ADGRL3: variants seen among roughly 807,000 people sequenced by gnomAD.
The protein encoded by ADGRL3 is adhesion G protein-coupled receptor L3, also known as calcium-independent alpha-latrotoxin receptor 3.
In ADGRL3, 62 loss-of-function variants were observed where a neutral mutation model predicts 153.5. The ratio of observed to expected loss-of-function variants is 0.40; its 90% CI spans 0.33 to 0.50. ADGRL3 has a LOEUF of 0.50. Ranked by LOEUF, ADGRL3 falls within the 20% of genes least tolerant of loss-of-function variation. ADGRL3 has a pLI of 0.47. For missense variants in ADGRL3, 1,641 were observed against 1,859.4 expected (o/e 0.88, Z 2.16); for synonymous variants, 710 against 672.5 (o/e 1.06, Z -0.86).
At chr4:61,841,983 T>G (rs986693784) in intron 9 of ADGRL3, among the ~76,000 whole-genome samples, 1 of 152,192 alleles carries the variant, frequency 6.6e-6, no homozygotes, top group Non-Finnish European at 1.5e-5. Context: ...TATTTTGCAA[T>G]CATTTGTTTA....
chr4:61,671,405 A>C (rs560476998), intron 5 of ADGRL3, among the ~76,000 whole-genome samples: 1 of 152,306 alleles, frequency 6.6e-6, no homozygotes, highest in South Asian at 2.1e-4. Context: ...TGAATTAAAC[A>C]ATATTGCTTT....
chr4:61,654,291 ATTTT>A (rs1561008059), intron 5 of ADGRL3, among the ~76,000 whole-genome samples: 1 of 151,952 alleles, frequency 6.6e-6, no homozygotes, highest in Non-Finnish European at 1.5e-5. Flanking sequence ...AAATTTTTGA[ATTTT>A]TTCTTAACAT....
chr4:61,685,596 A>G (rs561726764), intron 6 of ADGRL3, among the ~76,000 whole-genome samples: 1 of 152,230 alleles, frequency 6.6e-6, no homozygotes, highest in South Asian at 2.1e-4. Context: ...GACAGCTCCA[A>G]GGATCTTGAG....
At chr4:61,703,661 A>G (rs1425530824) in intron 6 of ADGRL3, among the ~76,000 whole-genome samples, 2 of 152,066 alleles carry the variant, frequency 1.3e-5, no homozygotes. Flanking sequence ...TGTTATTTCT[A>G]TTGTTGGAGA....
At chr4:61,344,650 T>C (rs1044514174) in intron 1 of ADGRL3, among the ~76,000 whole-genome samples, 14 of 152,186 alleles carry the variant, frequency 9.2e-5, no homozygotes, top group African/African-American at 3.4e-4. Flanking sequence ...ATTGTGCCTG[T>C]CCTGGTCATT....
intron 8 of ADGRL3, among the ~76,000 whole-genome samples, chr4:61,750,599 G>A (rs1292595998): frequency 6.6e-6 from 1 of 151,934 alleles, no homozygotes; most frequent in Non-Finnish European, 1.5e-5. Flanking sequence ...AGACCATCCC[G>A]GCTAAAACGG....
intron 1 of ADGRL3, among the ~76,000 whole-genome samples, chr4:61,295,800 G>T (rs945193363): frequency 7.3e-6 from 1 of 136,766 alleles, no homozygotes; most frequent in Non-Finnish European, 1.6e-5. Context: ...TCACTACACA[G>T]ATTTAAAAAA....
At chr4:61,967,430 C>T (rs547242408) in intron 17 of ADGRL3, among the ~76,000 whole-genome samples, 1 of 151,670 alleles carries the variant, frequency 6.6e-6, no homozygotes, top group South Asian at 2.1e-4. Context: ...CACAATCCTG[C>T]CCCCATTAAG....
At chr4:61,786,278 T>G (rs2152410085) in intron 8 of ADGRL3, among the ~76,000 whole-genome samples, 1 of 152,286 alleles carries the variant, frequency 6.6e-6, no homozygotes, top group Admixed American at 6.5e-5. Context: ...TTTGTAGCAT[T>G]TAGTCAATGG....
intron 5 of ADGRL3, among the ~76,000 whole-genome samples, chr4:61,651,161 A>G (rs2094233151): frequency 6.6e-6 from 1 of 152,210 alleles, no homozygotes; most frequent in African/African-American, 2.4e-5. Flanking sequence ...TATATGAGAA[A>G]AGCATAGAAA....
intron 4 of ADGRL3, among the ~76,000 whole-genome samples, chr4:61,547,464 C>A (rs775211672): frequency 2.6e-5 from 4 of 151,934 alleles, no homozygotes; most frequent in African/African-American, 4.8e-5. Flanking sequence ...TTGCTCCCTT[C>A]TTTGTGTCTG....
chr4:61,787,397 G>A (rs1441489070), intron 8 of ADGRL3, among the ~76,000 whole-genome samples: 2 of 151,660 alleles, frequency 1.3e-5, no homozygotes, highest in African/African-American at 4.8e-5. Flanking sequence ...ATATATGACA[G>A]TGATTTGGGA....
intron 4 of ADGRL3, among the ~76,000 whole-genome samples, chr4:61,565,704 ATTTTTGTATT>A (rs978190221): frequency 1.3e-5 from 2 of 151,560 alleles, no homozygotes; most frequent in African/African-American, 4.9e-5. Context: ...CACCCAGCTA[ATTTTTGTATT>A]TTTAGTAGAG....
chr4:61,768,330 G>C (rs970094295), intron 8 of ADGRL3, among the ~76,000 whole-genome samples: 1 of 151,996 alleles, frequency 6.6e-6, no homozygotes, highest in African/African-American at 2.4e-5. Context: ...GCCTAGCTTG[G>C]CCTGTCGAGG....
chr4:61,265,560 T>C (rs1381247848), intron 1 of ADGRL3, among the ~76,000 whole-genome samples: 1 of 151,840 alleles, frequency 6.6e-6, no homozygotes, highest in Non-Finnish European at 1.5e-5. Context: ...TTCTGTGAGC[T>C]AAAAGTGCTA....
intron 5 of ADGRL3, among the ~76,000 whole-genome samples, chr4:61,647,474 C>A (rs567049952): frequency 6.6e-6 from 1 of 152,118 alleles, no homozygotes; most frequent in South Asian, 2.1e-4. Context: ...AATATAAAAT[C>A]GTGACTTTAT....
chr4:61,410,687 A>G (rs536853107), intron 2 of ADGRL3, among the ~76,000 whole-genome samples: 3 of 152,282 alleles, frequency 2.0e-5, no homozygotes, highest in African/African-American at 4.8e-5. Context: ...GCCTGGACAT[A>G]CTCAGTATAT....
intron 1 of ADGRL3, among the ~76,000 whole-genome samples, chr4:61,288,135 G>A (rs1309430874): frequency 6.6e-6 from 1 of 151,880 alleles, no homozygotes; most frequent in Non-Finnish European, 1.5e-5. Flanking sequence ...TTTTCACTGA[G>A]AAAACTGTTT....
At chr4:62,018,539 A>G (rs1435744773) in intron 21 of ADGRL3, among the ~76,000 whole-genome samples, 1 of 152,160 alleles carries the variant, frequency 6.6e-6, no homozygotes, top group Admixed American at 6.5e-5. Flanking sequence ...GAATGACCAG[A>G]TATTTTGTAG....
Sources: allele counts gnomAD v4.1 joint callset (sites outside exome capture counted in the v4.1 genomes callset), GRCh38; gene constraint gnomAD v4.1.1; transcripts MANE v1.5; gene names NCBI Gene and HGNC (gene_info 2026-07-23, HGNC 2026-07-21).